The following TENM4 variants were observed in gnomAD, a reference collection of about 807,000 sequenced individuals.
TENM4 encodes teneurin transmembrane protein 4, also known as teneurin-4.
In TENM4, 82 loss-of-function variants were observed where a neutral mutation model predicts 243.3. The observed-to-expected ratio is 0.34, with a 90% CI of 0.28 to 0.40. The LOEUF is 0.40. Ranked by LOEUF, TENM4 falls within the 10% of genes least tolerant of loss-of-function variation. The pLI is 1.00. For missense variants in TENM4, 3,138 were observed against 3,673.3 expected (o/e 0.85, Z 3.77); for synonymous variants, 1,412 against 1,456.3 (o/e 0.97, Z 0.69).
intron 28 of TENM4, among the ~76,000 whole-genome samples, chr11:78,693,610 G>T (rs1858882359): frequency 6.6e-6 from 1 of 152,228 alleles, no homozygotes; most frequent in African/African-American, 2.4e-5. Flanking sequence ...CCAGTTGGGG[G>T]TATGATAGGG....
chr11:79,425,402 G>A (rs1859027588), intron 1 of TENM4, among the ~76,000 whole-genome samples: 1 of 152,154 alleles, frequency 6.6e-6, no homozygotes, highest in South Asian at 2.1e-4. Context: ...CTGAACTAAA[G>A]CCAGCTCTCC....
chr11:78,843,840 C>A (rs1858319803), intron 12 of TENM4, among the ~76,000 whole-genome samples: 1 of 152,206 alleles, frequency 6.6e-6, no homozygotes, highest in Non-Finnish European at 1.5e-5. Context: ...AGCCAGGTAC[C>A]TGGCAGTGCC....
chr11:78,960,920 AC>A (rs1857306761), intron 6 of TENM4, among the ~76,000 whole-genome samples: 1 of 152,030 alleles, frequency 6.6e-6, no homozygotes, highest in Admixed American at 6.5e-5. Context: ...ACTAACAGTT[AC>A]CACACTCCTT....
chr11:79,168,333 C>A (rs73506683), intron 3 of TENM4, among the ~76,000 whole-genome samples: 1 of 151,906 alleles, frequency 6.6e-6, no homozygotes, highest in Non-Finnish European at 1.5e-5. Context: ...GGTGCTGTGA[C>A]ACAGGAAAGC....
chr11:79,386,283 C>T (rs775122121), intron 1 of TENM4, among the ~76,000 whole-genome samples: 1 of 152,126 alleles, frequency 6.6e-6, no homozygotes. Flanking sequence ...GGCCACAAAC[C>T]TAAATCTAAA....
At position 78,701,664 on chromosome 11, in the gene TENM4, T is replaced by G. The variant is rs759418548; in HGVS notation, c.4949A>C (p.Tyr1650Ser). Residue 1650 changes from tyrosine (Y) to serine (S), a missense_variant, in exon 28 of 34, where the codon TAC becomes TCC. By Grantham distance (144) the Tyr-to-Ser change is moderately radical (BLOSUM62 -2). Around this residue, in one of 2 missense-constraint regions of TENM4, gnomAD observed 2,467 missense variants for 3,059.1 expected, o/e 0.81. Transcript: ENST00000278550. ...ACTGTTGGTGCCCATGGTCACCCAG[T>G]ACACCTGGCCATCTGGGACCACCAG... is the stretch of plus-strand genomic sequence containing the variant. Reference protein sequence around the residue: ...LWLVVPDGQVYWVTMGTNSAL... With the variant: ...LWLVVPDGQVSWVTMGTNSAL... 1 of 1,613,974 alleles carries G rather than the reference T, an allele frequency of 6.2e-7. No homozygotes were observed. Among genetic ancestry groups the G allele is most frequent in the South Asian group, 1.1e-5 (1 of 91,054 alleles).
chr11:78,899,187 C>T (rs906130636), intron 7 of TENM4, among the ~76,000 whole-genome samples: 1 of 152,114 alleles, frequency 6.6e-6, no homozygotes, highest in Admixed American at 6.5e-5. Flanking sequence ...CTTGGAGCCG[C>T]AAGCCACTGA....
At chr11:79,308,040 A>T (rs1228952830) in intron 1 of TENM4, among the ~76,000 whole-genome samples, 1 of 152,186 alleles carries the variant, frequency 6.6e-6, no homozygotes, top group Non-Finnish European at 1.5e-5. Context: ...CACAGGGCCC[A>T]GGGAATTGCC....
At chr11:78,819,904 G>A (rs1384149461) in intron 12 of TENM4, among the ~76,000 whole-genome samples, 1 of 152,198 alleles carries the variant, frequency 6.6e-6, no homozygotes, top group Non-Finnish European at 1.5e-5. Context: ...TCTACCTTCT[G>A]ACTCCTCCTG....
chr11:78,995,932 T>G (rs1858162404), intron 6 of TENM4, among the ~76,000 whole-genome samples: 1 of 152,086 alleles, frequency 6.6e-6, no homozygotes, highest in Admixed American at 6.5e-5. Flanking sequence ...GTAAGACTCA[T>G]AAGAGATCAG....
chr11:78,823,212 C>T (rs77962102), intron 12 of TENM4, among the ~76,000 whole-genome samples: 1,889 of 152,346 alleles, frequency 0.012, 38 homozygotes, highest in African/African-American at 0.043. Context: ...GCCTCGTCTT[C>T]CCTCCACCCT....
At chr11:79,202,519 G>A (rs73508641) in intron 3 of TENM4, among the ~76,000 whole-genome samples, 1,787 of 152,310 alleles carry the variant, frequency 0.012, 37 homozygotes, top group African/African-American at 0.04. Context: ...GTTCAGACCC[G>A]ATTTGAAGCT....
chr11:79,024,390 G>A lies in TENM4; in HGVS notation c.493+40348C>T, dbSNP rs372190815. Among the ~76,000 whole-genome samples the A allele has an allele frequency of 1.8e-3, 279 of 151,294 alleles. 8 individuals are homozygous for A. In the South Asian group the frequency reaches 0.049, roughly 27 times the overall value. ...ATCATGAGAACTACTCTAGCAGAGAGGGGGGGCAGCATGGGTTGTTTATGT... is the reference window on the plus strand; with the variant it reads ...ATCATGAGAACTACTCTAGCAGAGAAGGGGGGCAGCATGGGTTGTTTATGT... On this transcript the variant is annotated intron_variant, in intron 6 of 33. Transcript: ENST00000278550.
chr11:79,325,532 AAC>A (rs1254208571), intron 1 of TENM4, among the ~76,000 whole-genome samples: 1 of 152,194 alleles, frequency 6.6e-6, no homozygotes, highest in Non-Finnish European at 1.5e-5. Context: ...ATGGGCAGGT[AAC>A]ACAATGTCTC....
At chr11:79,113,298 G>A (rs1031844108) in intron 4 of TENM4, among the ~76,000 whole-genome samples, 1 of 151,900 alleles carries the variant, frequency 6.6e-6, no homozygotes, top group Non-Finnish European at 1.5e-5. Flanking sequence ...CAAGACCCAC[G>A]GAGGGAAAGC....
chr11:78,690,157 T>C (rs1245024162), intron 28 of TENM4, among the ~76,000 whole-genome samples: 1 of 152,126 alleles, frequency 6.6e-6, no homozygotes, highest in Non-Finnish European at 1.5e-5. Context: ...AAACCTGGAA[T>C]GGGTGGTCAA....
chr11:78,847,349 C>T (rs929237684), intron 12 of TENM4, among the ~76,000 whole-genome samples: 2 of 152,210 alleles, frequency 1.3e-5, no homozygotes, highest in Admixed American at 6.5e-5. Context: ...GTTCAGCAAT[C>T]GAAGGTAAGA....
chr11:79,331,081 C>T (rs1857053878), intron 1 of TENM4, among the ~76,000 whole-genome samples: 1 of 152,162 alleles, frequency 6.6e-6, no homozygotes, highest in African/African-American at 2.4e-5. Flanking sequence ...TTTGCTTGCC[C>T]TCTTTAGGAT....
chr11:79,188,234 A>G (rs982067050), intron 3 of TENM4, among the ~76,000 whole-genome samples: 4 of 152,236 alleles, frequency 2.6e-5, no homozygotes, highest in African/African-American at 9.6e-5. Context: ...AATTTGGGGA[A>G]ACAAGAAACC....
Sources: gnomAD v4.1 joint callset for allele counts (sites outside exome capture counted in the v4.1 genomes callset) on GRCh38, gnomAD v4.1.1 for gene constraint, gnomAD v4.1.1 regional missense constraint, MANE v1.5 for transcripts, NCBI Gene and HGNC (gene_info 2026-07-23, HGNC 2026-07-21) for gene names.